Variants in STMN2 observed in about 807,000 individuals in gnomAD.
STMN2 encodes stathmin 2.
A neutral mutation model predicts 24.1 loss-of-function variants in STMN2; 2 were observed. The observed-to-expected ratio is 0.08, with a 90% CI of 0.03 to 0.26. The LOEUF (loss-of-function observed/expected upper bound fraction) is 0.26. Among genes scored for constraint, STMN2 ranks in the 10% least tolerant of loss-of-function variants. The probability of loss-of-function intolerance (pLI) is 1.00; values close to 1 mark genes in which losing one functional copy is unlikely to be tolerated. For synonymous variants in STMN2, 83 were observed against 77.5 expected (o/e 1.07, Z -0.37); for missense variants, 114 against 213.6 (o/e 0.53, Z 2.91).
intron 2 of STMN2, among the ~76,000 whole-genome samples, chr8:79,640,284 C>T (rs1048351453): frequency 6.6e-6 from 1 of 152,188 alleles, no homozygotes; most frequent in Non-Finnish European, 1.5e-5. Flanking sequence ...CCACCCCTAA[C>T]CCCTGGTAAC....
intron 4 of STMN2, among the ~76,000 whole-genome samples, chr8:79,659,312 C>A (rs4739894): frequency 0.25 from 37,941 of 151,774 alleles, 4,847 homozygotes; most frequent in South Asian, 0.32. Flanking sequence ...TGGTGAAGTT[C>A]AAAATGTTCT....
At chr8:79,620,092 G>C (rs1449352258) in intron 1 of STMN2, among the ~76,000 whole-genome samples, 3 of 150,438 alleles carry the variant, frequency 2.0e-5, no homozygotes, top group African/African-American at 7.3e-5. Flanking sequence ...TTAAAGATTG[G>C]TAAATTTAAG....
intron 1 of STMN2, among the ~76,000 whole-genome samples, chr8:79,614,887 T>A (rs1028119528): frequency 6.6e-6 from 1 of 152,238 alleles, no homozygotes; most frequent in African/African-American, 2.4e-5. Flanking sequence ...AATGGATAGA[T>A]GGTGGAATAA....
chr8:79,615,369 C>T lies in STMN2; in HGVS notation c.19+4155C>T, dbSNP rs983932208. Among the ~76,000 whole-genome samples, 18 of 152,276 alleles carry T rather than the reference C, an allele frequency of 1.2e-4. No homozygotes were observed. The East Asian group carries it at 2.3e-3, about 20-fold the overall frequency. On this transcript the variant is annotated intron_variant, in intron 1 of 4. Coordinates refer to ENST00000220876, the MANE Select transcript of STMN2 (RefSeq NM_007029.4). ...CTCAGAGCACAAACCTAGGCCTGGG[C>T]GTGGCCACTGGGAGCTGCTGATAGC...
chr8:79,636,770 G>A (rs1809971590), intron 1 of STMN2, 32 bp from the exon 2 acceptor site: 7 of 1,594,074 alleles, frequency 4.4e-6, no homozygotes, highest in South Asian at 1.1e-5. Flanking sequence ...CAGAAAAAAT[G>A]AAATATACTA....
chr8:79,648,616 C>A (rs1810268502), intron 3 of STMN2, among the ~76,000 whole-genome samples: 1 of 151,900 alleles, frequency 6.6e-6, no homozygotes, highest in Non-Finnish European at 1.5e-5. Context: ...GCACCCACCA[C>A]CACACCCAGC....
At chr8:79,619,891 A>G (rs1809470981) in intron 1 of STMN2, among the ~76,000 whole-genome samples, 1 of 151,820 alleles carries the variant, frequency 6.6e-6, no homozygotes, top group South Asian at 2.1e-4. Context: ...ATTTCTGATG[A>G]TTTTTTTCTT....
chr8:79,640,750 G>T (rs971468600), intron 2 of STMN2, among the ~76,000 whole-genome samples: 5 of 152,228 alleles, frequency 3.3e-5, no homozygotes, highest in Admixed American at 1.3e-4. Context: ...TGAACATACA[G>T]AAGGGCAAAA....
At chr8:79,645,562 T>C (rs528224137) in intron 3 of STMN2, among the ~76,000 whole-genome samples, 4 of 152,186 alleles carry the variant, frequency 2.6e-5, no homozygotes, top group Non-Finnish European at 5.9e-5. Flanking sequence ...ATTTACTTTG[T>C]TTTTTCATAT....
At position 79,631,360 on chromosome 8, in the gene STMN2, A is replaced by G. The variant is rs1192298384; in HGVS notation, c.20-5442A>G. The G allele has an allele frequency of 5.8e-6, 5 of 863,992 alleles. No homozygotes were observed. In the African/African-American group the frequency reaches 9.1e-5, roughly 16 times the overall value. 53.5% of individuals were successfully genotyped at this position (863,992 alleles called of 1,614,324 possible). A position where few individuals can be genotyped will look rare whatever the true frequency, so the allele number is the denominator to read the frequency against. On this transcript the variant is annotated intron_variant, in intron 1 of 4. Transcript: ENST00000220876. ...ATATCCATTCCCATAGAAAAACTAT[A>G]ATGCTTTGGTTGGTCAAAATATTAA... is the stretch of plus-strand genomic sequence containing the variant.
At chr8:79,613,566 C>T (rs1241685648) in intron 1 of STMN2, 2 of 985,342 alleles carry the variant, frequency 2.0e-6, no homozygotes, top group Non-Finnish European at 2.4e-6. Context: ...CCGCTGCAGG[C>T]TAGTGGCTGC....
At chr8:79,655,254 C>G (rs377151740) in intron 4 of STMN2, among the ~76,000 whole-genome samples, 192 bp downstream of exon 4, 1 of 152,200 alleles carries the variant, frequency 6.6e-6, no homozygotes, top group South Asian at 2.1e-4. Context: ...AAATGGGAAT[C>G]CATCATGAAA....
intron 4 of STMN2, among the ~76,000 whole-genome samples, chr8:79,662,464 G>T (rs927884311): frequency 3.9e-5 from 6 of 152,070 alleles, no homozygotes; most frequent in Non-Finnish European, 8.8e-5. Context: ...GACTGTATGG[G>T]AAATTACATG....
At position 79,652,463 on chromosome 8, in the gene STMN2, T is replaced by A. The variant is rs868318243; in HGVS notation, c.289-2408T>A. On this transcript the variant is annotated intron_variant, in intron 3 of 4. Transcript: ENST00000220876. ...CATGCATGAGGTGGAGATGAGGGAG[T>A]TAGGAAGGACTTGGACTCTCATCAA... 7.6e-4 allele frequency among the ~76,000 whole-genome samples: 116 copies of A among 152,040 alleles called. No homozygotes were observed. The Middle Eastern group carries it at 0.01, about 13-fold the overall frequency.
At chr8:79,663,584 TC>T in intron 4 of STMN2, 1 of 1,525,256 alleles carries the variant, frequency 6.6e-7, no homozygotes, top group Admixed American at 2.0e-5. Context: ...TTATAGCTGG[TC>T]AAGTTTATTT....
intron 1 of STMN2, chr8:79,613,786 T>C (rs1008679899): frequency 1.9e-5 from 19 of 985,310 alleles, no homozygotes; most frequent in Non-Finnish European, 2.3e-5. Context: ...TTGTTCATTT[T>C]AAGTTATAAA....
At chr8:79,627,468 A>T (rs890047183) in intron 1 of STMN2, among the ~76,000 whole-genome samples, 1 of 152,228 alleles carries the variant, frequency 6.6e-6, no homozygotes, top group African/African-American at 2.4e-5. Flanking sequence ...TGTCTTAAGA[A>T]TGAGTATCAA....
chr8:79,664,033 T>C (rs904297814), intron 4 of STMN2, among the ~76,000 whole-genome samples: 1 of 152,082 alleles, frequency 6.6e-6, no homozygotes, highest in African/African-American at 2.4e-5. Context: ...TACAGTCAAA[T>C]ATAATAGAGG....
At chr8:79,616,060 T>A (rs1234459096) in intron 1 of STMN2, among the ~76,000 whole-genome samples, 2 of 152,242 alleles carry the variant, frequency 1.3e-5, no homozygotes, top group Non-Finnish European at 2.9e-5. Context: ...TCAGAGCACA[T>A]CTGAATATCA....
Sources: allele counts gnomAD v4.1 joint callset (sites outside exome capture counted in the v4.1 genomes callset), GRCh38; gene constraint gnomAD v4.1.1; transcripts MANE v1.5; gene names NCBI Gene and HGNC (gene_info 2026-07-23, HGNC 2026-07-21).